SERPINB11: variants seen among roughly 807,000 people sequenced by gnomAD.
The protein encoded by SERPINB11 is serpin B11.
In SERPINB11, 32 loss-of-function variants were observed where a neutral mutation model predicts 36.7. The observed-to-expected ratio is 0.87, with a 90% confidence interval of 0.66 to 1.17. The LOEUF (loss-of-function observed/expected upper bound fraction) is 1.17. Among genes scored for constraint, SERPINB11 ranks in the 50% most tolerant of loss-of-function variants. SERPINB11 has a pLI of 0.00. For missense variants in SERPINB11, 528 were observed against 458.4 expected, an observed-to-expected ratio of 1.15 and a Z score of -1.39; for synonymous variants, 174 against 168.1, an observed-to-expected ratio of 1.04 and a Z score of -0.27.
chr18:63,705,101 G>A (rs1369630187), intron 1 of SERPINB11, among the ~76,000 whole-genome samples: 2 of 152,112 alleles, frequency 1.3e-5, no homozygotes, highest in Admixed American at 1.3e-4. Flanking sequence ...TTGAGACAGG[G>A]TCTTACTCTG....
In SERPINB11 at chr18:63,723,165, T is replaced by C. The variant is rs757818671; in HGVS notation, c.945T>C (p.Ala315=). Residue 315 remains alanine, a synonymous_variant, in exon 8 of 8, where the codon GCT becomes GCC. Coordinates refer to ENST00000544088, the MANE Select transcript of SERPINB11 (RefSeq NM_001370475.1). ...CAGATCTCTTCAACCAGGTCAAAGCTGATCTTTCTGGAATGTCACCAACCA... is the reference window on the plus strand; with the variant it reads ...CAGATCTCTTCAACCAGGTCAAAGCCGATCTTTCTGGAATGTCACCAACCA... ...GVTDLFNQVK[A]DLSGMSPTKG... The C allele has an allele frequency of 1.3e-5, 21 of 1,612,590 alleles. No individual in the cohort carries two copies. Among genetic ancestry groups the C allele is most frequent in the Non-Finnish European group, 1.8e-5 (21 of 1,179,178 alleles).
At chr18:63,716,574 G>C (rs1251872472) in intron 5 of SERPINB11, among the ~76,000 whole-genome samples, 3 of 151,916 alleles carry the variant, frequency 2.0e-5, no homozygotes, top group Non-Finnish European at 4.4e-5. Context: ...CTAATGGCTG[G>C]CTTTATTCAT....
chr18:63,711,429 T>C, intron 3 of SERPINB11, 35 bp downstream of exon 3: 1 of 1,456,368 alleles, frequency 6.9e-7, no homozygotes, highest in Non-Finnish European at 9.6e-7. Flanking sequence ...AAATGCTCTT[T>C]AACCTAAGAG....
Position 63,710,593 on chromosome 18 carries a change from G to A in SERPINB11, c.168+232G>A, listed in dbSNP as rs887635461. On this transcript the variant is annotated intron_variant, in intron 2 of 7. Transcript: ENST00000544088. ...TGTGGTCTCTTTTTTACTATCAGTG[G>A]TATCACAAATAAATCTCTGCAGTTT... is the stretch of plus-strand genomic sequence containing the variant. Among the ~76,000 whole-genome samples the A allele has an allele frequency of 5.9e-5, 9 of 152,152 alleles. No homozygotes were observed. The South Asian group carries it at 1.0e-3, about 18-fold the overall frequency.
chr18:63,711,351 A>G lies in SERPINB11; in HGVS notation c.185A>G (p.His62Arg), dbSNP rs1201039883. The G allele has an allele frequency of 1.2e-6, 2 of 1,610,866 alleles. No individual in the cohort carries two copies. The highest frequency in any genetic ancestry group is 1.7e-6 in the Non-Finnish European group (2 of 1,177,700). ...CTTTTCTAGGTGCTTCATTTTAGTC[A>G]TACTGTAGACTCATTAAAACCAGGG... ...EQLEKVLHFSHTVDSLKPGFK... is the reference protein window; with the variant it reads ...EQLEKVLHFSRTVDSLKPGFK... Residue 62 changes from histidine to arginine, a missense_variant, in exon 3 of 8, where the codon CAT becomes CGT. By Grantham distance (29) the His-to-Arg change is conservative (BLOSUM62 0). Coordinates refer to ENST00000544088, the MANE Select transcript of SERPINB11 (RefSeq NM_001370475.1).
chr18:63,722,975 G>C lies in SERPINB11; in HGVS notation c.775-20G>C. On this transcript the variant is annotated intron_variant, in intron 7 of 7. Coordinates refer to ENST00000544088, the MANE Select transcript of SERPINB11 (RefSeq NM_001370475.1). ...TCGTGTGTTTGACTCATGTGGGCTT[G>C]TCTGTGTTTTGTCTCTTAGATAGAA... The C allele has an allele frequency of 2.6e-6, 4 of 1,540,418 alleles. No individual in the cohort carries two copies. The highest frequency in any genetic ancestry group is 3.5e-6 in the Non-Finnish European group (4 of 1,148,432).
intron 7 of SERPINB11, 40 bp downstream of exon 7, chr18:63,721,026 GTGCA>G: frequency 6.5e-7 from 1 of 1,531,184 alleles, no homozygotes; most frequent in Non-Finnish European, 8.9e-7. Flanking sequence ...TAAAGCATGT[GTGCA>G]TGTTAACACA....
Position 63,720,056 on chromosome 18 carries a change from A to G in SERPINB11, c.519A>G (p.Ser173=), listed in dbSNP as rs376553599. Residue 173 remains serine, a synonymous_variant, in exon 6 of 8, where the codon TCA becomes TCG. Transcript: ENST00000544088. ...TTGGAAAGAGCACAATTGACCCTTC[A>G]TCTGTAATGGTCCTGGTGAATGCCA... ...NLFGKSTIDP[S]SVMVLVNAIY... is the part of the protein sequence containing the mutation. 206 of 1,609,894 alleles carry G rather than the reference A, an allele frequency of 1.3e-4. No homozygotes were observed. Among genetic ancestry groups the G allele is most frequent in the Non-Finnish European group, 1.7e-4 (197 of 1,177,392 alleles).
upstream of SERPINB11, chr18:63,702,925 A>G (rs1914275086): frequency 7.5e-6 from 1 of 132,922 alleles, no homozygotes; most frequent in Non-Finnish European, 1.6e-5. Context: ...GCAAAATATG[A>G]AGGCTTTATA....
chr18:63,714,417 C>T lies in SERPINB11; in HGVS notation c.358-1618C>T, dbSNP rs141729597. 2.3e-3 allele frequency among the ~76,000 whole-genome samples: 355 copies of T among 152,182 alleles called. 5 individuals are homozygous for T. Among genetic ancestry groups the T allele is most frequent in the Non-Finnish European group, 1.2e-3 (79 of 68,004 alleles). ...GAGGCAGGGTTTGAGAGCAGACAAC[C>T]GGTCTGACTAAAATTTACTAGTCAG... is the stretch of plus-strand genomic sequence containing the variant. On this transcript the variant is annotated intron_variant, in intron 4 of 7. Transcript: ENST00000544088.
At chr18:63,706,079 G>GA (rs1407105402) in intron 1 of SERPINB11, among the ~76,000 whole-genome samples, 6 of 152,170 alleles carry the variant, frequency 3.9e-5, no homozygotes, top group African/African-American at 1.4e-4. Flanking sequence ...CAAGAGCAAA[G>GA]AAAACTGTGG....
rs1262605289 is a variant in SERPINB11 at position 63,723,096 on chromosome 18, A to G, written c.876A>G (p.Glu292=). The G allele has an allele frequency of 2.5e-6, 4 of 1,605,674 alleles. No homozygotes were observed. In the African/African-American group the frequency reaches 5.3e-5, roughly 21 times the overall value. The change falls in exon 8 of 8, where the codon GAA becomes GAG. Residue 292 remains glutamate (E), a synonymous_variant. Transcript: ENST00000544088. ...TACACCTCCCCCGATTCAAACTTGA[A>G]ACTAAGTATGAGCTAAATTCCCTGT... The part of the protein sequence containing the change: ...VEVHLPRFKL[E]TKYELNSLLK...
intron 6 of SERPINB11, chr18:63,720,612 A>C (rs182178450): frequency 1.9e-5 from 9 of 467,786 alleles, no homozygotes; most frequent in Non-Finnish European, 3.3e-5. Flanking sequence ...CTATCTCTAT[A>C]TATTATTAGA....
intron 6 of SERPINB11, chr18:63,720,392 A>G (rs1345824596): frequency 2.0e-6 from 1 of 493,320 alleles, no homozygotes; most frequent in East Asian, 4.2e-5. Context: ...GAGAAAACCC[A>G]TTCTTTTCTT....
In SERPINB11 at chr18:63,723,068, A is replaced by G. The variant is rs1358503645; in HGVS notation, c.848A>G (p.Glu283Gly). ...SSSNMMEREV[E>G]VHLPRFKLET... The stretch of plus-strand genomic sequence containing the variant: ...TCTAACATGATGGAAAGAGAAGTTG[A>G]AGTACACCTCCCCCGATTCAAACTT... Residue 283 changes from glutamate (E) to glycine (G), a missense_variant, in exon 8 of 8, where the codon GAA (glutamate) becomes GGA (glycine). Transcript: ENST00000544088. 10 of 1,606,104 alleles carry G rather than the reference A, an allele frequency of 6.2e-6. No individual in the cohort carries two copies. The highest frequency in any genetic ancestry group is 8.5e-6 in the Non-Finnish European group (10 of 1,175,950).
intron 1 of SERPINB11, among the ~76,000 whole-genome samples, chr18:63,708,086 T>A (rs1449266696): frequency 6.6e-6 from 1 of 152,202 alleles, no homozygotes; most frequent in African/African-American, 2.4e-5. Flanking sequence ...TGAGGTTGAA[T>A]GTACTTGTTA....
intron 7 of SERPINB11, 92 bp downstream of exon 7, chr18:63,721,078 C>A (rs185651470): frequency 2.6e-6 from 3 of 1,170,868 alleles, no homozygotes; most frequent in Non-Finnish European, 3.6e-6. Context: ...ATGACATTAG[C>A]GTAGTCATTG....
intron 1 of SERPINB11, 88 bp from the exon 2 acceptor site, chr18:63,710,091 T>A: frequency 4.5e-6 from 5 of 1,107,786 alleles, no homozygotes; most frequent in Non-Finnish European, 6.3e-6. Flanking sequence ...GCCCTGATAC[T>A]TAAACTCATG....
chr18:63,718,028 T>C (rs1246927784), intron 5 of SERPINB11, among the ~76,000 whole-genome samples: 2 of 152,070 alleles, frequency 1.3e-5, no homozygotes, highest in Non-Finnish European at 1.5e-5. Context: ...GGATGTCTAA[T>C]TGCTATGGCA....
Sources: gnomAD v4.1 joint callset for allele counts (sites outside exome capture counted in the v4.1 genomes callset) on GRCh38, gnomAD v4.1.1 for gene constraint, MANE v1.5 for transcripts, NCBI Gene and HGNC (gene_info 2026-07-23, HGNC 2026-07-21) for gene names.